IRF9: variants seen among roughly 807,000 people sequenced by gnomAD.
The protein encoded by IRF9 is IFN-alpha-responsive transcription factor subunit.
IRF9 carries 13 observed loss-of-function variants against 44.1 expected under a neutral mutation model. That is an observed-to-expected ratio of 0.29 (90% CI 0.19 to 0.47). The LOEUF (loss-of-function observed/expected upper bound fraction) is 0.47, where lower values mean the gene tolerates loss of function less well. IRF9 is among the 20% of genes least tolerant of loss of function. The probability of loss-of-function intolerance (pLI) is 1.00; values close to 1 mark genes in which losing one functional copy is unlikely to be tolerated. For synonymous variants in IRF9, 189 were observed against 188.5 expected, an observed-to-expected ratio of 1.00 and a Z score of -0.02; for missense variants, 373 against 496.1, an observed-to-expected ratio of 0.75 and a Z score of 2.36.
In IRF9 at chr14:24,163,872, C is replaced by A; in HGVS notation, c.496-6C>A. 1 of 1,589,252 alleles carries A rather than the reference C, an allele frequency of 6.3e-7. No homozygotes were observed. The highest frequency in any genetic ancestry group is 8.5e-7 in the Non-Finnish European group (1 of 1,174,050). On this transcript the variant is annotated splice_region_variant and splice_polypyrimidine_tract_variant and intron_variant, in intron 4 of 8. Coordinates refer to ENST00000396864, the MANE Select transcript of IRF9 (RefSeq NM_006084.5). ...GAAAAAAAATAAAAAGACACTGTGT[C>A]CGCAGGAGGAGGAGGGGGCCAGTGG...
intron 4 of IRF9, 94 bp from the exon 5 acceptor site, chr14:24,163,784 C>G: frequency 4.6e-6 from 6 of 1,293,284 alleles, no homozygotes; most frequent in Middle Eastern, 2.6e-4. Flanking sequence ...TAGCAGTGAG[C>G]CGAGATCGCG....
chr14:24,163,261 C>T (rs994203118), intron 3 of IRF9, 112 bp downstream of exon 3: 2 of 1,540,010 alleles, frequency 1.3e-6, no homozygotes, highest in Non-Finnish European at 1.8e-6. Flanking sequence ...CCTTGGGGGG[C>T]TGCAACCCAG....
At position 24,164,562 on chromosome 14, in the gene IRF9, G is replaced by A. The variant is rs1594390088; in HGVS notation, c.650-52G>A. 2 of 1,512,084 alleles carry A rather than the reference G, an allele frequency of 1.3e-6. No homozygotes were observed. Among genetic ancestry groups the A allele is most frequent in the East Asian group, 4.6e-5 (2 of 43,778 alleles). 93.7% of individuals were successfully genotyped at this position (1,512,084 alleles called of 1,614,324 possible). A position where few individuals can be genotyped will look rare whatever the true frequency, so the allele number is the denominator to read the frequency against. On this transcript the variant is annotated intron_variant, in intron 6 of 8. Transcript: ENST00000396864. This position sits in a 1 kb window ranked among gnomAD's most constrained non-coding sequence, Gnocchi z 5.2. ...GGAGTTGTTCCCCTGGGGAGGGGCT[G>A]CTGCCAGCCTGCATGCTCCTCCAGC...
chr14:24,162,921 G>C, intron 2 of IRF9, 45 bp from the exon 3 acceptor site: 2 of 1,543,914 alleles, frequency 1.3e-6, no homozygotes, highest in Non-Finnish European at 1.8e-6. Flanking sequence ...GGGGCAGGTG[G>C]AGCCTGTAAC....
intron 7 of IRF9, chr14:24,165,336 T>TCA: frequency 1.6e-6 from 1 of 643,346 alleles, no homozygotes; most frequent in East Asian, 2.7e-5. Context: ...CTGGCACACA[T>TCA]CACACACACT....
At position 24,163,862 on chromosome 14, in the gene IRF9, G is replaced by A; in HGVS notation, c.496-16G>A. On this transcript the variant is annotated splice_polypyrimidine_tract_variant and intron_variant, in intron 4 of 8. Coordinates refer to ENST00000396864, the MANE Select transcript of IRF9 (RefSeq NM_006084.5). ...CAAAAAAAGAGAAAAAAAATAAAAA[G>A]ACACTGTGTCCGCAGGAGGAGGAGG... The A allele has an allele frequency of 1.9e-6, 3 of 1,584,538 alleles. No homozygotes were observed.
rs375750889 is a variant in IRF9, at chr14:24,164,019, C to G, written c.578-44C>G. 3.3e-5 allele frequency: 54 copies of G among 1,613,116 alleles called. No homozygotes were observed. The highest frequency in any genetic ancestry group is 4.5e-5 in the Non-Finnish European group (53 of 1,179,378). On this transcript the variant is annotated intron_variant, in intron 5 of 8. Coordinates refer to ENST00000396864, the MANE Select transcript of IRF9 (RefSeq NM_006084.5). This position sits in a 1 kb window ranked among gnomAD's most constrained non-coding sequence, Gnocchi z 5.2. The stretch of plus-strand genomic sequence containing the variant: ...TGCCACACCCTCTGGCCCAAGACTC[C>G]CCAGTCCCACTCTGAATGACCAGTG...
Position 24,164,573 on chromosome 14 carries a change from G to C in IRF9, c.650-41G>C. The C allele has an allele frequency of 6.5e-7, 1 of 1,529,790 alleles. No homozygotes were observed. The highest frequency in any genetic ancestry group is 8.9e-7 in the Non-Finnish European group (1 of 1,129,126). 94.8% of individuals were successfully genotyped at this position (1,529,790 alleles called of 1,614,324 possible). A position where few individuals can be genotyped will look rare whatever the true frequency, so the allele number is the denominator to read the frequency against. The stretch of plus-strand genomic sequence containing the variant: ...CCTGGGGAGGGGCTGCTGCCAGCCT[G>C]CATGCTCCTCCAGCACCAGGTAGGG... On this transcript the variant is annotated intron_variant, in intron 6 of 8. Transcript: ENST00000396864. This position sits in a 1 kb window ranked among gnomAD's most constrained non-coding sequence, Gnocchi z 5.2.
chr14:24,164,181 C>A lies in IRF9; in HGVS notation c.649+47C>A. Reference sequence around the variant, plus strand: ...CTCCTGTGCCCTGTGCCCCTGAGGTCTTCCACCTTTGACTATGCATGCATT... The same window carrying A: ...CTCCTGTGCCCTGTGCCCCTGAGGTATTCCACCTTTGACTATGCATGCATT... On this transcript the variant is annotated intron_variant, in intron 6 of 8. Coordinates refer to ENST00000396864, the MANE Select transcript of IRF9 (RefSeq NM_006084.5). The surrounding 1 kb of genome is among the most constrained non-coding windows in gnomAD (Gnocchi z 5.2). 6.6e-7 allele frequency: 1 copy of A among 1,514,820 alleles called. No homozygotes were observed. The highest frequency in any genetic ancestry group is 9.2e-7 in the Non-Finnish European group (1 of 1,089,828). The allele number at this position is 1,514,820 out of a possible 1,614,324, so 93.8% of individuals were successfully genotyped here.
intron 4 of IRF9, 179 bp from the exon 5 acceptor site, chr14:24,163,699 G>A (rs1364247146): frequency 1.6e-5 from 14 of 859,920 alleles, no homozygotes; most frequent in South Asian, 1.2e-4. Context: ...TTAGCTGTGC[G>A]TTGTGGCATC....
At chr14:24,161,731 G>A (rs989819997) in intron 1 of IRF9, among the ~76,000 whole-genome samples, 2 of 152,192 alleles carry the variant, frequency 1.3e-5, no homozygotes, top group Admixed American at 6.5e-5. Flanking sequence ...GGGGCGGTGG[G>A]TGAAGAGCCT....
At chr14:24,162,394 C>T (rs972178806) in intron 2 of IRF9, 70 bp downstream of exon 2, 10 of 1,433,766 alleles carry the variant, frequency 7.0e-6, no homozygotes, top group Admixed American at 4.2e-5. Context: ...CACTCATCCT[C>T]GAGCACTTGC....
rs1450609382 is a variant in IRF9, at chr14:24,164,620, C to G, written c.656C>G (p.Ser219Ter). The change falls in exon 7 of 9, where the codon TCA becomes TGA. Residue 219 changes from serine to a stop codon, truncating the protein, a stop_gained. Transcript: ENST00000396864. LOFTEE classifies it high-confidence loss of function. The surrounding 1 kb of genome is among the most constrained non-coding windows in gnomAD (Gnocchi z 5.2). ...EFLLPPEPDY[S>*]LLLTFIYNGR... ...AGGGCTGTTCTATCCCCAGACTACT[C>G]ACTGCTGCTCACCTTCATCTACAAC... 6.3e-7 allele frequency: 1 copy of G among 1,594,622 alleles called. No homozygotes were observed.
chr14:24,166,456 C>T lies in IRF9; in HGVS notation c.*260C>T, dbSNP rs1380877666. On this transcript the variant is annotated 3_prime_UTR_variant, in exon 9 of 9. Transcript: ENST00000396864. ...TAGGAAATTCCAAATGGTGTGAACCCAGGGGGCCTTTCCCTCTTCCCTGAC... is the reference window on the plus strand; with the variant it reads ...TAGGAAATTCCAAATGGTGTGAACCTAGGGGGCCTTTCCCTCTTCCCTGAC... The T allele has an allele frequency of 1.9e-6, 1 of 533,060 alleles. No individual in the cohort carries two copies. The highest frequency in any genetic ancestry group is 3.3e-6 in the Non-Finnish European group (1 of 303,366). 33.0% of individuals were successfully genotyped at this position (533,060 alleles called of 1,614,324 possible).
At chr14:24,162,924 C>G in intron 2 of IRF9, 42 bp from the exon 3 acceptor site, 2 of 1,550,552 alleles carry the variant, frequency 1.3e-6, no homozygotes, top group Non-Finnish European at 1.8e-6. Flanking sequence ...GCAGGTGGAG[C>G]CTGTAACACA....
In IRF9 at chr14:24,163,938, A is replaced by G; in HGVS notation, c.556A>G (p.Ser186Gly). The G allele has an allele frequency of 1.2e-6, 2 of 1,606,014 alleles. No individual in the cohort carries two copies. The highest frequency in any genetic ancestry group is 1.3e-5 in the African/African-American group (1 of 74,272). Residue 186 changes from serine to glycine, a missense_variant, in exon 5 of 9, where the codon AGC (serine) becomes GGC (glycine). Ser to Gly is a moderately conservative substitution (Grantham distance 56, BLOSUM62 0). This residue lies in a region of IRF9 where 227 missense variants were observed against 255.3 expected (regional missense o/e 0.89). Coordinates refer to ENST00000396864, the MANE Select transcript of IRF9 (RefSeq NM_006084.5). Reference protein sequence around the residue: ...HSDIGSSSSSSSPEPQEVTDT... With the variant: ...HSDIGSSSSSGSPEPQEVTDT... The stretch of plus-strand genomic sequence containing the variant: ...AGACATTGGGAGCAGCAGCAGCAGC[A>G]GCAGCCCTGAGCCACAGGAAGGTAC...
In IRF9 at chr14:24,162,220, C is replaced by T; in HGVS notation, c.76C>T (p.Pro26Ser). 1.9e-6 allele frequency: 3 copies of T among 1,614,132 alleles called. No individual in the cohort carries two copies. The highest frequency in any genetic ancestry group is 2.5e-6 in the Non-Finnish European group (3 of 1,180,030). Residue 26 changes from proline to serine, a missense_variant, in exon 2 of 9, where the codon CCC becomes TCC. This residue lies in a region of IRF9 where 227 missense variants were observed against 255.3 expected (regional missense o/e 0.89). Coordinates refer to ENST00000396864, the MANE Select transcript of IRF9 (RefSeq NM_006084.5). ...VVEQVESGQF[P>S]GVCWDDTAKT... ...GGAGCAAGTGGAGAGTGGGCAGTTT[C>T]CCGGAGTGTGCTGGGATGATACAGC...
intron 4 of IRF9, 148 bp from the exon 5 acceptor site, chr14:24,163,730 C>A: frequency 2.2e-6 from 2 of 923,894 alleles, no homozygotes; most frequent in Non-Finnish European, 3.2e-6. Flanking sequence ...CCCAGCTACT[C>A]AGGAGGCCGA....
rs768337516 is a variant in IRF9 at position 24,163,935 on chromosome 14, A to G, written c.553A>G (p.Ser185Gly). Residue 185 changes from serine (S) to glycine (G), a missense_variant, in exon 5 of 9, where the codon AGC becomes GGC. By Grantham distance (56) the Ser-to-Gly change is moderately conservative (BLOSUM62 0). Around this residue, in one of 2 missense-constraint regions of IRF9, gnomAD observed 227 missense variants for 255.3 expected, o/e 0.89. Transcript: ENST00000396864. ...VHSDIGSSSS[S>G]SSPEPQEVTD... is the part of the protein sequence containing the mutation. ...TTCAGACATTGGGAGCAGCAGCAGC[A>G]GCAGCAGCCCTGAGCCACAGGAAGG... 3.7e-6 allele frequency: 6 copies of G among 1,606,194 alleles called. No individual in the cohort carries two copies.
Sources: allele counts gnomAD v4.1 joint callset (sites outside exome capture counted in the v4.1 genomes callset), GRCh38; gene constraint gnomAD v4.1.1; regional missense constraint gnomAD v4.1.1; non-coding constraint Gnocchi (gnomAD v3.1); transcripts MANE v1.5; gene names NCBI Gene and HGNC (gene_info 2026-07-23, HGNC 2026-07-21).